Variants in ERC1 observed in about 807,000 individuals in gnomAD.
ERC1 encodes RAB6 interacting protein 2.
Under a neutral mutation model 132.0 loss-of-function variants are expected in ERC1, and 56 were observed. That is an observed-to-expected ratio of 0.42 (90% confidence interval 0.34 to 0.53). The LOEUF (loss-of-function observed/expected upper bound fraction) is 0.53. ERC1 is among the 20% of genes least tolerant of loss of function. The pLI, the probability that ERC1 is intolerant of heterozygous loss-of-function variation, is 0.03. For synonymous variants in ERC1, 478 were observed against 476.1 expected (o/e 1.00, Z -0.05); for missense variants, 1,202 against 1,349.9 (o/e 0.89, Z 1.72).
At chr12:1,393,992 G>C (rs1241633157) in intron 16 of ERC1, among the ~76,000 whole-genome samples, 6 of 131,340 alleles carry the variant, frequency 4.6e-5, no homozygotes, top group African/African-American at 1.9e-4. Flanking sequence ...CTCCAGCCTG[G>C]GTGACAGAGT....
chr12:1,439,581 C>T (rs1177445120), intron 17 of ERC1, among the ~76,000 whole-genome samples: 5 of 152,160 alleles, frequency 3.3e-5, no homozygotes, highest in Non-Finnish European at 5.9e-5. Context: ...GTTTTGGCAT[C>T]ATATTTGGTA....
chr12:1,188,499 G>T (rs554939739), intron 11 of ERC1, among the ~76,000 whole-genome samples: 1 of 152,170 alleles, frequency 6.6e-6, no homozygotes, highest in Non-Finnish European at 1.5e-5. Context: ...ACAACATTCA[G>T]TGCAGAACAG....
intron 15 of ERC1, among the ~76,000 whole-genome samples, chr12:1,341,064 T>TC (rs2083801616): frequency 3.2e-5 from 3 of 93,910 alleles, no homozygotes; most frequent in African/African-American, 1.2e-4. Flanking sequence ...TATTCTTTTC[T>TC]TTTTCTTTTT....
intron 15 of ERC1, among the ~76,000 whole-genome samples, chr12:1,313,132 A>G (rs1186868375): frequency 6.6e-6 from 1 of 152,014 alleles, no homozygotes; most frequent in Non-Finnish European, 1.5e-5. Context: ...TCCTTAGTAT[A>G]TGGCCTTCTT....
At chr12:1,342,232 A>T (rs941710700) in intron 15 of ERC1, among the ~76,000 whole-genome samples, 3 of 152,104 alleles carry the variant, frequency 2.0e-5, no homozygotes, top group Non-Finnish European at 4.4e-5. Context: ...TGGGAGGCCG[A>T]GGCTGGTGGA....
At position 1,478,806 on chromosome 12, in the gene ERC1, G is replaced by A. The variant is rs543745558; in HGVS notation, c.3214-11287G>A. Among the ~76,000 whole-genome samples, 587 of 136,676 alleles carry A rather than the reference G, an allele frequency of 4.3e-3. 6 individuals carry two copies. Among genetic ancestry groups the A allele is most frequent in the African/African-American group, 0.015 (497 of 32,808 alleles). 89.7% of individuals were successfully genotyped at this position (136,676 alleles called of 152,430 possible). A position where few individuals can be genotyped will look rare whatever the true frequency, so the allele number is the denominator to read the frequency against. On this transcript the variant is annotated intron_variant, in intron 18 of 18. Coordinates refer to ENST00000360905, the MANE Select transcript of ERC1 (RefSeq NM_178040.4). The stretch of plus-strand genomic sequence containing the variant: ...TCTGTCTCAATAAAAAAAAGAGAGA[G>A]AGAGAGAGAGACAGAAATCCTTAAT...
At chr12:1,461,334 G>A (rs998441263) in intron 18 of ERC1, among the ~76,000 whole-genome samples, 7 of 151,956 alleles carry the variant, frequency 4.6e-5, no homozygotes, top group Admixed American at 1.3e-4. Context: ...AACCTTTGTC[G>A]CCCAGGAATT....
intron 2 of ERC1, among the ~76,000 whole-genome samples, chr12:1,058,265 C>T (rs1333543018): frequency 6.6e-6 from 1 of 152,042 alleles, no homozygotes; most frequent in African/African-American, 2.4e-5. Context: ...TTTCCTAGAC[C>T]AGTGTCCTCA....
chr12:1,356,442 T>G (rs917767115), intron 15 of ERC1, among the ~76,000 whole-genome samples: 4 of 152,008 alleles, frequency 2.6e-5, no homozygotes, highest in African/African-American at 9.7e-5. Context: ...ATATTTTCAG[T>G]TGCTGTTTTT....
intron 8 of ERC1, among the ~76,000 whole-genome samples, chr12:1,144,624 ATATATATATACGTG>A (rs1256171402): frequency 1.3e-5 from 2 of 149,552 alleles, no homozygotes; most frequent in African/African-American, 5.0e-5. Flanking sequence ...GTATATATAT[ATATATATATACGTG>A]TATATATATA....
intron 15 of ERC1, among the ~76,000 whole-genome samples, chr12:1,296,390 T>C (rs1375667817): frequency 6.7e-6 from 1 of 149,736 alleles, no homozygotes; most frequent in East Asian, 1.9e-4. Context: ...ATGAAACATT[T>C]ATTGGATAGT....
intron 2 of ERC1, among the ~76,000 whole-genome samples, chr12:1,049,686 C>G (rs952421968): frequency 6.7e-6 from 1 of 149,570 alleles, no homozygotes. Flanking sequence ...GGTTGGTTAT[C>G]ATTGGAATTT....
chr12:1,109,682 T>A (rs1001798413), intron 4 of ERC1, among the ~76,000 whole-genome samples: 30 of 152,240 alleles, frequency 2.0e-4, no homozygotes, highest in Non-Finnish European at 2.9e-5. Flanking sequence ...GAGGCAGCCA[T>A]AGAAGAAAAA....
Position 1,493,548 on chromosome 12 carries a change from A to AAAAAAAAAAAATAT in ERC1, c.*3319_*3320insAAAAAAAAAATATA, listed in dbSNP as rs56939346. 2 of 13,622 alleles carry AAAAAAAAAAAATAT rather than the reference A, an allele frequency of 1.5e-4. No individual in the cohort carries two copies. The highest frequency in any genetic ancestry group is 2.2e-4 in the African/African-American group (1 of 4,564). The allele number at this position is 13,622 out of a possible 1,614,324, so 0.8% of individuals were successfully genotyped here. ...ACTCCATTTAAAAAAAAAAAAAAAA[A>AAAAAAAAAAAATAT]ATATATATATATATATATATATATA... On this transcript the variant is annotated 3_prime_UTR_variant, in exon 19 of 19. Coordinates refer to ENST00000360905, the MANE Select transcript of ERC1 (RefSeq NM_178040.4).
chr12:1,162,125 G>A (rs1223230555), intron 8 of ERC1, among the ~76,000 whole-genome samples: 1 of 152,160 alleles, frequency 6.6e-6, no homozygotes, highest in East Asian at 1.9e-4. Context: ...TATGCACTAG[G>A]GTAACCCAGT....
chr12:1,079,988 G>T (rs928138748), intron 2 of ERC1, among the ~76,000 whole-genome samples: 5 of 152,188 alleles, frequency 3.3e-5, no homozygotes, highest in African/African-American at 1.2e-4. Context: ...TTCCATCTTT[G>T]AGAGTTCCCA....
chr12:1,211,134 A>G (rs1485581035), intron 12 of ERC1, among the ~76,000 whole-genome samples: 5 of 152,142 alleles, frequency 3.3e-5, no homozygotes, highest in African/African-American at 7.2e-5. Context: ...TTCAAATGCA[A>G]TCTTTTAAAT....
intron 14 of ERC1, among the ~76,000 whole-genome samples, chr12:1,265,558 A>G (rs1189327150): frequency 1.3e-5 from 2 of 152,208 alleles, no homozygotes; most frequent in African/African-American, 4.8e-5. Flanking sequence ...TTAATGAACC[A>G]GTTTTAATAC....
chr12:1,101,994 A>G (rs951415387), intron 3 of ERC1, among the ~76,000 whole-genome samples: 3 of 152,226 alleles, frequency 2.0e-5, no homozygotes, highest in East Asian at 1.9e-4. Flanking sequence ...GATTCAGGCT[A>G]TAGAATCCAG....
Sources: gnomAD v4.1 joint callset for allele counts (sites outside exome capture counted in the v4.1 genomes callset) on GRCh38, gnomAD v4.1.1 for gene constraint, MANE v1.5 for transcripts, NCBI Gene and HGNC (gene_info 2026-07-23, HGNC 2026-07-21) for gene names.